The following CTNND2 variants were observed in gnomAD, a reference collection of about 807,000 sequenced individuals.
CTNND2 encodes catenin delta-2.
A neutral mutation model predicts 144.4 loss-of-function variants in CTNND2; 22 were observed. The ratio of observed to expected loss-of-function variants is 0.15; its 90% CI spans 0.11 to 0.22. CTNND2 has a LOEUF of 0.22. Among genes scored for constraint, CTNND2 ranks in the 10% least tolerant of loss-of-function variants. CTNND2 has a pLI of 1.00. For synonymous variants in CTNND2, 751 were observed against 695.6 expected, an observed-to-expected ratio of 1.08 and a Z score of -1.25; for missense variants, 1,353 against 1,618.8, an observed-to-expected ratio of 0.84 and a Z score of 2.82.
chr5:11,335,702 A>G (rs1416354580), intron 9 of CTNND2, among the ~76,000 whole-genome samples: 1 of 152,186 alleles, frequency 6.6e-6, no homozygotes, highest in Non-Finnish European at 1.5e-5. Context: ...AAATCAAAAG[A>G]AAAACCTCAA....
intron 3 of CTNND2, among the ~76,000 whole-genome samples, chr5:11,496,376 T>TC (rs1769941109): frequency 6.6e-6 from 1 of 152,230 alleles, no homozygotes. Context: ...ATGTTTGGCT[T>TC]CCATCCTAAA....
intron 2 of CTNND2, among the ~76,000 whole-genome samples, chr5:11,664,151 C>A (rs1301474401): frequency 6.6e-6 from 1 of 152,146 alleles, no homozygotes; most frequent in Admixed American, 6.6e-5. Flanking sequence ...TGGTTGCTAA[C>A]CTTGATACCT....
At chr5:11,273,778 A>G (rs765309801) in intron 9 of CTNND2, among the ~76,000 whole-genome samples, 1 of 152,162 alleles carries the variant, frequency 6.6e-6, no homozygotes, top group Non-Finnish European at 1.5e-5. Flanking sequence ...ATTTGTTTCT[A>G]GGTTGACATG....
At chr5:11,233,808 C>T (rs1467616298) in intron 10 of CTNND2, among the ~76,000 whole-genome samples, 3 of 152,010 alleles carry the variant, frequency 2.0e-5, no homozygotes, top group East Asian at 1.9e-4. Flanking sequence ...GAAAGGGAAA[C>T]TCTGGAAGCT....
chr5:11,072,061 G>T (rs61609595), intron 16 of CTNND2, among the ~76,000 whole-genome samples: 2 of 152,074 alleles, frequency 1.3e-5, no homozygotes, highest in Non-Finnish European at 2.9e-5. Context: ...GACACTGGGG[G>T]TATTAGTCTG....
At chr5:11,232,719 A>G (rs112030805) in intron 10 of CTNND2, among the ~76,000 whole-genome samples, 9,221 of 152,298 alleles carry the variant, frequency 0.061, 399 homozygotes, top group Admixed American at 0.11. Context: ...GAAATGAGTT[A>G]AGACTTTGGG....
intron 3 of CTNND2, among the ~76,000 whole-genome samples, chr5:11,480,112 T>C (rs1318747867): frequency 1.3e-5 from 2 of 152,162 alleles, no homozygotes; most frequent in Non-Finnish European, 2.9e-5. Context: ...GTATTGCCTA[T>C]GTTGTCTTCC....
chr5:11,823,428 G>T (rs1793427158), intron 1 of CTNND2, among the ~76,000 whole-genome samples: 1 of 152,074 alleles, frequency 6.6e-6, no homozygotes, highest in African/African-American at 2.4e-5. Context: ...TTATTTTTTA[G>T]CTTGATTCTG....
chr5:11,800,563 CCAGA>C (rs1230439266), intron 1 of CTNND2, among the ~76,000 whole-genome samples: 1 of 152,066 alleles, frequency 6.6e-6, no homozygotes, highest in African/African-American at 2.4e-5. Flanking sequence ...CTACTGTGTG[CCAGA>C]CACTCTACTG....
chr5:11,867,604 A>G (rs1176545514), intron 1 of CTNND2, among the ~76,000 whole-genome samples: 1 of 151,932 alleles, frequency 6.6e-6, no homozygotes, highest in Non-Finnish European at 1.5e-5. Flanking sequence ...AAGACCCACC[A>G]GTTTTGCCAT....
rs150013185 is a variant in CTNND2 at position 11,022,806 on chromosome 5, C to T, written c.2962G>A (p.Glu988Lys). ...CTTTTGGAGATGCCGACCAACTTCT[C>T]GATGCCACCGGCATCCCGTAAGGCC... ...AKALRDAGGI[E>K]KLVGISKSKG... Residue 988 changes from glutamate to lysine, a missense_variant, in exon 17 of 22, where the codon GAG (glutamate) becomes AAG (lysine). This residue lies in a region of CTNND2 where 459 missense variants were observed against 674.3 expected (regional missense o/e 0.68). Coordinates refer to ENST00000304623, the MANE Select transcript of CTNND2 (RefSeq NM_001332.4). The T allele has an allele frequency of 2.5e-5, 41 of 1,614,046 alleles. No individual in the cohort carries two copies. The highest frequency in any genetic ancestry group is 5.5e-5 in the South Asian group (5 of 91,080).
chr5:11,302,938 T>G (rs1207226421), intron 9 of CTNND2, among the ~76,000 whole-genome samples: 2 of 152,234 alleles, frequency 1.3e-5, no homozygotes, highest in Admixed American at 6.5e-5. Flanking sequence ...TTTTGCCTAC[T>G]GCCCCAGAGT....
At chr5:11,160,151 C>T (rs567698377) in intron 11 of CTNND2, among the ~76,000 whole-genome samples, 2 of 152,256 alleles carry the variant, frequency 1.3e-5, no homozygotes, top group East Asian at 1.9e-4. Context: ...TTTGTCTTAC[C>T]CAAGACCTCA....
intron 3 of CTNND2, among the ~76,000 whole-genome samples, chr5:11,504,779 T>C (rs1045537009): frequency 1.3e-5 from 2 of 152,176 alleles, no homozygotes; most frequent in African/African-American, 4.8e-5. Flanking sequence ...AGCCTGGGAC[T>C]AGGGCAACAC....
chr5:11,117,261 T>G (rs753212547), intron 13 of CTNND2, among the ~76,000 whole-genome samples, 189 bp downstream of exon 13: 5 of 152,116 alleles, frequency 3.3e-5, no homozygotes, highest in Non-Finnish European at 7.4e-5. Context: ...GAAGTTAGGT[T>G]ATATATCTAG....
At chr5:11,390,154 TTTTAC>T (rs1243405461) in intron 6 of CTNND2, among the ~76,000 whole-genome samples, 1 of 152,188 alleles carries the variant, frequency 6.6e-6, no homozygotes, top group African/African-American at 2.4e-5. Flanking sequence ...ATATGGAGTA[TTTTAC>T]TTTGATGTTA....
intron 1 of CTNND2, among the ~76,000 whole-genome samples, chr5:11,815,487 T>C (rs544238127): frequency 3.4e-4 from 52 of 152,218 alleles, no homozygotes; most frequent in African/African-American, 1.2e-3. Context: ...AACTGTGTTT[T>C]ATGATTTATG....
At chr5:11,532,262 C>G (rs1454633155) in intron 3 of CTNND2, among the ~76,000 whole-genome samples, 1 of 152,020 alleles carries the variant, frequency 6.6e-6, no homozygotes, top group Non-Finnish European at 1.5e-5. Context: ...CTTCCCATCC[C>G]TTGCCCCTCT....
intron 3 of CTNND2, among the ~76,000 whole-genome samples, chr5:11,456,068 T>C (rs1235126524): frequency 6.6e-6 from 1 of 152,218 alleles, no homozygotes; most frequent in Admixed American, 6.5e-5. Context: ...AATTAATATG[T>C]GCACTGCAGA....
Sources: allele counts gnomAD v4.1 joint callset (sites outside exome capture counted in the v4.1 genomes callset), GRCh38; gene constraint gnomAD v4.1.1; regional missense constraint gnomAD v4.1.1; transcripts MANE v1.5; gene names NCBI Gene and HGNC (gene_info 2026-07-23, HGNC 2026-07-21).